Variants in TEX11 observed in about 807,000 individuals in gnomAD.
TEX11 encodes testis expressed 11, also known as testis-expressed protein 11.
In TEX11, 7 loss-of-function variants were observed where a neutral mutation model predicts 84.4. The ratio of observed to expected loss-of-function variants is 0.08; its 90% CI spans 0.05 to 0.16. The LOEUF (loss-of-function observed/expected upper bound fraction) is 0.16. TEX11 is among the 10% of genes least tolerant of loss of function. The probability of loss-of-function intolerance (pLI) is 1.00; values close to 1 mark genes in which losing one functional copy is unlikely to be tolerated. For synonymous variants in TEX11, 264 were observed against 222.8 expected (o/e 1.18, Z -1.64); for missense variants, 551 against 660.5 (o/e 0.83, Z 1.82).
At chrX:70,596,956 A>C (rs955755841) in intron 24 of TEX11, among the ~76,000 whole-genome samples, 6 of 111,878 alleles carry the variant, frequency 5.4e-5, no homozygotes, top group Non-Finnish European at 1.1e-4. Flanking sequence ...CCTTACAAAA[A>C]TAAAGAGGAC....
At chrX:70,669,621 T>C (rs777845115) in intron 16 of TEX11, among the ~76,000 whole-genome samples, 13 of 112,697 alleles carry the variant, frequency 1.2e-4, no homozygotes, top group Non-Finnish European at 2.3e-4. Context: ...GATAAACAAC[T>C]CTTCAAAAAT....
chrX:70,884,860 T>C (rs1452165402), intron 2 of TEX11, among the ~76,000 whole-genome samples: 2 of 110,559 alleles, frequency 1.8e-5, no homozygotes, highest in Non-Finnish European at 3.8e-5. Flanking sequence ...ATGATACACC[T>C]CCACAGATGA....
At chrX:70,750,929 A>AT (rs1556039277) in intron 9 of TEX11, among the ~76,000 whole-genome samples, 11 of 26,678 alleles carry the variant, frequency 4.1e-4, no homozygotes, top group Middle Eastern at 0.02. Context: ...AATAAAAAAA[A>AT]AAAAATATAT....
chrX:70,656,113 GTATATA>G (rs774232604), intron 16 of TEX11, among the ~76,000 whole-genome samples: 1 of 101,383 alleles, frequency 9.9e-6, no homozygotes, highest in East Asian at 3.1e-4. Flanking sequence ...AGGTAGCTGT[GTATATA>G]TATATATATA....
At chrX:70,608,863 A>T (rs1411689643) in intron 22 of TEX11, among the ~76,000 whole-genome samples, 1 of 111,995 alleles carries the variant, frequency 8.9e-6, no homozygotes, top group Admixed American at 9.5e-5. Context: ...GACACAACTA[A>T]TGTCCATTGA....
At chrX:70,597,160 T>C (rs1336809622) in intron 24 of TEX11, among the ~76,000 whole-genome samples, 1 of 112,044 alleles carries the variant, frequency 8.9e-6, no homozygotes, top group Non-Finnish European at 1.9e-5. Flanking sequence ...AAAACCTAAA[T>C]AAATGGAAAG....
intron 8 of TEX11, among the ~76,000 whole-genome samples, chrX:70,828,445 C>T (rs1019246187): frequency 5.4e-5 from 6 of 110,159 alleles, no homozygotes; most frequent in Admixed American, 2.0e-4. Flanking sequence ...ATGCAATTGA[C>T]ATGCTTAAGA....
chrX:70,714,307 T>C (rs1168509336), intron 13 of TEX11, among the ~76,000 whole-genome samples: 2 of 111,486 alleles, frequency 1.8e-5, no homozygotes, highest in Admixed American at 9.6e-5. Flanking sequence ...GTCTATTAGG[T>C]CTGCTTGGTG....
chrX:70,554,800 C>A lies in TEX11; in HGVS notation c.2141G>T (p.Gly714Val). 1.7e-6 allele frequency: 2 copies of A among 1,196,609 alleles called. No individual in the cohort carries two copies. The highest frequency in any genetic ancestry group is 1.1e-6 in the Non-Finnish European group (1 of 890,093). The change falls in exon 26 of 30, where the codon GGG becomes GTG. Residue 714 changes from glycine (G) to valine (V), a missense_variant and splice_region_variant. Gly to Val is a moderately radical substitution (Grantham distance 109, BLOSUM62 -3). Transcript: ENST00000374333. ...CTCACATGAATCATTTGAGAAGGTC[C>A]CTAAGAAAGAGGCAAAAATGCAACA... Reference protein sequence around the residue: ...NDIHNFLKQTGTFSNDSCEKL... With the variant: ...NDIHNFLKQTVTFSNDSCEKL...
At chrX:70,800,687 CTTTTTT>C (rs60458912) in intron 9 of TEX11, among the ~76,000 whole-genome samples, 1 of 62,314 alleles carries the variant, frequency 1.6e-5, no homozygotes, top group Non-Finnish European at 3.2e-5. Flanking sequence ...ATTTCATGTG[CTTTTTT>C]TTTTTTTTTT....
At chrX:70,897,693 AAGAAAGAAAG>A (rs1569463205) in intron 2 of TEX11, 10 of 77,567 alleles carry the variant, frequency 1.3e-4, no homozygotes, top group East Asian at 4.3e-4. Context: ...GAAAGAAAGA[AAGAAAGAAAG>A]AAAGAAAGAA....
At chrX:70,637,139 T>C (rs766650108) in intron 17 of TEX11, among the ~76,000 whole-genome samples, 1 of 111,842 alleles carries the variant, frequency 8.9e-6, no homozygotes, top group South Asian at 3.7e-4. Flanking sequence ...CCAACAAATG[T>C]ATGAAAAATA....
chrX:70,631,056 T>C (rs1214945678), intron 17 of TEX11, among the ~76,000 whole-genome samples: 1 of 111,966 alleles, frequency 8.9e-6, no homozygotes, highest in Non-Finnish European at 1.9e-5. Context: ...AATCCACAAT[T>C]ATAGTTAAAG....
intron 9 of TEX11, among the ~76,000 whole-genome samples, chrX:70,779,250 A>G (rs2091021192): frequency 9.2e-6 from 1 of 108,370 alleles, no homozygotes; most frequent in South Asian, 4.1e-4. Flanking sequence ...CCCCGTCCCT[A>G]TTAAAAATAC....
chrX:70,539,038 A>ATATATATATATTTTTTTT, intron 28 of TEX11, among the ~76,000 whole-genome samples: 3 of 41,253 alleles, frequency 7.3e-5, no homozygotes, highest in African/African-American at 9.2e-5. Context: ...ATATATATAT[A>ATATATATATATTTTTTTT]TTTTTTTTTT....
At chrX:70,742,477 C>T (rs1470593567) in intron 10 of TEX11, among the ~76,000 whole-genome samples, 2 of 109,434 alleles carry the variant, frequency 1.8e-5, no homozygotes, top group Non-Finnish European at 3.8e-5. Context: ...GCCTGTAATC[C>T]TAGAACCTTG....
chrX:70,770,248 C>T (rs999468624), intron 9 of TEX11, among the ~76,000 whole-genome samples: 6 of 111,635 alleles, frequency 5.4e-5, no homozygotes, highest in Non-Finnish European at 7.5e-5. Context: ...TATTTGTGCA[C>T]GTAAATACAT....
At chrX:70,673,849 G>A (rs1603210852) in intron 15 of TEX11, among the ~76,000 whole-genome samples, 1 of 111,352 alleles carries the variant, frequency 9.0e-6, no homozygotes, top group Non-Finnish European at 1.9e-5. Flanking sequence ...AATTGAATAG[G>A]GTAATTCTTT....
intron 28 of TEX11, among the ~76,000 whole-genome samples, chrX:70,537,312 T>C (rs1201198486): frequency 1.8e-5 from 2 of 111,325 alleles, no homozygotes; most frequent in East Asian, 2.8e-4. Flanking sequence ...TAAAAGAATT[T>C]CTGAGCAGCA....
Sources: gnomAD v4.1 joint callset for allele counts (sites outside exome capture counted in the v4.1 genomes callset) on GRCh38, gnomAD v4.1.1 for gene constraint, MANE v1.5 for transcripts, NCBI Gene and HGNC (gene_info 2026-07-23, HGNC 2026-07-21) for gene names.